The following ZNF608 variants were observed in gnomAD, a reference collection of about 807,000 sequenced individuals.
ZNF608 encodes the protein zinc finger protein 608, also known as renal carcinoma antigen NY-REN-36.
A neutral mutation model predicts 109.0 loss-of-function variants in ZNF608; 12 were observed. The ratio of observed to expected loss-of-function variants is 0.11; its 90% confidence interval spans 0.07 to 0.18. The LOEUF (loss-of-function observed/expected upper bound fraction) is 0.18. Among genes scored for constraint, ZNF608 ranks in the 10% least tolerant of loss-of-function variants. ZNF608 has a pLI of 1.00. For missense variants in ZNF608, 1,707 were observed against 1,879.3 expected, an observed-to-expected ratio of 0.91 and a Z score of 1.70; for synonymous variants, 732 against 717.4, an observed-to-expected ratio of 1.02 and a Z score of -0.33.
At chr5:124,690,344 C>A (rs1752563819) in intron 3 of ZNF608, among the ~76,000 whole-genome samples, 1 of 152,146 alleles carries the variant, frequency 6.6e-6, no homozygotes, top group Non-Finnish European at 1.5e-5. Flanking sequence ...TGTATCACAC[C>A]ATGGGCAAAC....
chr5:124,683,581 T>C (rs1477031594), intron 3 of ZNF608, among the ~76,000 whole-genome samples: 1 of 152,204 alleles, frequency 6.6e-6, no homozygotes, highest in Non-Finnish European at 1.5e-5. Context: ...TCAAAGAGTT[T>C]AGTGAGTTGC....
At chr5:124,679,704 C>T (rs981182266) in intron 3 of ZNF608, among the ~76,000 whole-genome samples, 1 of 152,186 alleles carries the variant, frequency 6.6e-6, no homozygotes. Context: ...CTTGAAAATA[C>T]AGGTGACTGA....
intron 3 of ZNF608, among the ~76,000 whole-genome samples, chr5:124,669,480 A>C (rs1751625795): frequency 6.6e-6 from 1 of 152,196 alleles, no homozygotes; most frequent in Non-Finnish European, 1.5e-5. Flanking sequence ...ACAGCATACA[A>C]TACAATACTC....
intron 2 of ZNF608, among the ~76,000 whole-genome samples, chr5:124,727,652 C>CG (rs1554092604): frequency 2.4e-5 from 2 of 82,448 alleles, no homozygotes; most frequent in Non-Finnish European, 4.3e-5. Flanking sequence ...AAAATCAGAC[C>CG]AAAAAAAAAA....
chr5:124,646,577 T>C, intron 5 of ZNF608, 102 bp downstream of exon 5: 1 of 1,412,632 alleles, frequency 7.1e-7, no homozygotes, highest in Non-Finnish European at 9.5e-7. Context: ...CTAATATGGG[T>C]TTCTTTCCTG....
At chr5:124,736,047 A>C (rs896380009) in intron 2 of ZNF608, among the ~76,000 whole-genome samples, 1 of 152,056 alleles carries the variant, frequency 6.6e-6, no homozygotes, top group African/African-American at 2.4e-5. Context: ...TTTTGAAAAA[A>C]AAAAAACATG....
chr5:124,671,339 G>A (rs1309301145), intron 3 of ZNF608, among the ~76,000 whole-genome samples: 1 of 152,150 alleles, frequency 6.6e-6, no homozygotes. Context: ...TCCTAGATCA[G>A]TAATGTGCCA....
At chr5:124,692,792 T>C (rs1752674156) in intron 3 of ZNF608, among the ~76,000 whole-genome samples, 1 of 152,208 alleles carries the variant, frequency 6.6e-6, no homozygotes, top group Non-Finnish European at 1.5e-5. Context: ...TTTATTAAAA[T>C]ATAGATAATG....
intron 2 of ZNF608, among the ~76,000 whole-genome samples, chr5:124,741,911 C>T (rs1749425770): frequency 6.6e-6 from 1 of 152,298 alleles, no homozygotes; most frequent in South Asian, 2.1e-4. Context: ...ACTACAGGAT[C>T]CAAGCCCCTG....
intron 3 of ZNF608, among the ~76,000 whole-genome samples, chr5:124,674,655 G>A (rs2149816990): frequency 6.6e-6 from 1 of 152,246 alleles, no homozygotes. Context: ...CTATCACCCA[G>A]TGTGGAGTGC....
At chr5:124,685,412 G>A (rs530572570) in intron 3 of ZNF608, among the ~76,000 whole-genome samples, 5 of 152,220 alleles carry the variant, frequency 3.3e-5, no homozygotes, top group Admixed American at 6.5e-5. Context: ...ACAAAATTAG[G>A]CTCCCTGACA....
rs1303814904 is a variant in ZNF608 at position 124,746,407 on chromosome 5, TA to T, written c.-397del. On this transcript the variant is annotated 5_prime_UTR_variant, in exon 1 of 10. Coordinates refer to ENST00000513986, the MANE Select transcript of ZNF608 (RefSeq NM_020747.3). ...GCAAACGAATCAGTCCTTTTCTCCTTAAAAAAAATGTGTCACTGTACAGCTG... is the reference window on the plus strand; with the variant it reads ...GCAAACGAATCAGTCCTTTTCTCCTTAAAAAAATGTGTCACTGTACAGCTG... 2 of 984,858 alleles carry T rather than the reference TA, an allele frequency of 2.0e-6. No homozygotes were observed. Among genetic ancestry groups the T allele is most frequent in the Non-Finnish European group, 2.4e-6 (2 of 829,772 alleles). 61.0% of individuals were successfully genotyped at this position (984,858 alleles called of 1,614,324 possible).
intron 2 of ZNF608, among the ~76,000 whole-genome samples, chr5:124,704,123 A>C (rs757124849): frequency 9.2e-5 from 14 of 152,238 alleles, no homozygotes; most frequent in Non-Finnish European, 1.9e-4. Context: ...TTTTAAAATG[A>C]GAAAGCTAAG....
intron 3 of ZNF608, among the ~76,000 whole-genome samples, chr5:124,672,903 T>C (rs568713501): frequency 5.9e-5 from 9 of 152,256 alleles, no homozygotes; most frequent in Non-Finnish European, 1.2e-4. Flanking sequence ...TGAGCCCAAG[T>C]CATTTATCAT....
intron 3 of ZNF608, among the ~76,000 whole-genome samples, chr5:124,665,090 G>A (rs1242673770): frequency 2.6e-5 from 4 of 151,908 alleles, no homozygotes; most frequent in Non-Finnish European, 5.9e-5. Flanking sequence ...TAGGGAGAAT[G>A]GCTTAAACCC....
chr5:124,673,127 C>G (rs1276483357), intron 3 of ZNF608, among the ~76,000 whole-genome samples: 2 of 152,122 alleles, frequency 1.3e-5, no homozygotes, highest in African/African-American at 4.8e-5. Context: ...GTCCCAATAC[C>G]CACCCCGCAT....
chr5:124,646,453 T>C (rs927409866), intron 5 of ZNF608, among the ~76,000 whole-genome samples: 8 of 152,190 alleles, frequency 5.3e-5, no homozygotes, highest in South Asian at 2.1e-4. Context: ...AAAGCACCCA[T>C]CCACAGTTCC....
intron 3 of ZNF608, among the ~76,000 whole-genome samples, chr5:124,658,011 G>A (rs1212946923): frequency 6.6e-6 from 1 of 152,156 alleles, no homozygotes; most frequent in Non-Finnish European, 1.5e-5. Context: ...TAAAATATAT[G>A]TACTGCACCA....
At chr5:124,706,133 T>C (rs530910492) in intron 2 of ZNF608, among the ~76,000 whole-genome samples, 6 of 152,208 alleles carry the variant, frequency 3.9e-5, no homozygotes, top group African/African-American at 1.4e-4. Context: ...AAAAGTAGCG[T>C]GTTAATGGAA....
Sources: gnomAD v4.1 joint callset for allele counts (sites outside exome capture counted in the v4.1 genomes callset) on GRCh38, gnomAD v4.1.1 for gene constraint, MANE v1.5 for transcripts, NCBI Gene and HGNC (gene_info 2026-07-23, HGNC 2026-07-21) for gene names.